Variants in PIGL observed in about 807,000 individuals in gnomAD.
PIGL encodes phosphatidylinositol glycan anchor biosynthesis class L, also known as N-acetylglucosaminyl-phosphatidylinositol de-N-acetylase.
Under a neutral mutation model 31.1 loss-of-function variants are expected in PIGL, and 22 were observed. The observed-to-expected ratio is 0.71, with a 90% CI of 0.51 to 1.01. The LOEUF (loss-of-function observed/expected upper bound fraction) is 1.01, where lower values mean the gene tolerates loss of function less well. Ranked by LOEUF, PIGL falls within the 50% of genes least tolerant of loss-of-function variation. The pLI, the probability that PIGL is intolerant of heterozygous loss-of-function variation, is 0.00. For synonymous variants in PIGL, 131 were observed against 117.4 expected (o/e 1.12, Z -0.75); for missense variants, 302 against 315.9 (o/e 0.96, Z 0.33).
At chr17:16,256,301 G>T (rs1364228299) in intron 2 of PIGL, among the ~76,000 whole-genome samples, 1 of 152,134 alleles carries the variant, frequency 6.6e-6, no homozygotes, top group Non-Finnish European at 1.5e-5. Flanking sequence ...AACCCAAGAA[G>T]ATGTTCATAA....
At chr17:16,273,982 T>C (rs1160052128) in intron 2 of PIGL, among the ~76,000 whole-genome samples, 2 of 152,236 alleles carry the variant, frequency 1.3e-5, no homozygotes, top group Admixed American at 1.3e-4. Context: ...AAGAGGCTCA[T>C]GTTCTCATTA....
Position 16,325,930 on chromosome 17 carries a change from A to T in PIGL, c.*32A>T. On this transcript the variant is annotated 3_prime_UTR_variant, in exon 7 of 7. Coordinates refer to ENST00000225609, the MANE Select transcript of PIGL (RefSeq NM_004278.4). ...GAAGGGTTTTCAGATCCAAGGAACA[A>T]AGGGGAAAATAGACAAAGGAGTGCA... 2.0e-6 allele frequency: 3 copies of T among 1,485,640 alleles called. No individual in the cohort carries two copies. Among genetic ancestry groups the T allele is most frequent in the Non-Finnish European group, 2.8e-6 (3 of 1,062,806 alleles). 92.0% of individuals were successfully genotyped at this position (1,485,640 alleles called of 1,614,324 possible).
Position 16,308,323 on chromosome 17 carries a change from C to A in PIGL, c.427-5224C>A, listed in dbSNP as rs1053335738. Among the ~76,000 whole-genome samples the A allele has an allele frequency of 5.4e-5, 8 of 149,496 alleles. No homozygotes were observed. The South Asian group carries it at 1.5e-3, about 27-fold the overall frequency. ...CTCCAGTCTGGGTGACAGGGTGAAA[C>A]TCCGTCTCAAAAAAAAAGAAAATTA... On this transcript the variant is annotated intron_variant, in intron 3 of 6. Coordinates refer to ENST00000225609, the MANE Select transcript of PIGL (RefSeq NM_004278.4).
At chr17:16,295,212 T>C (rs2142826618) in intron 2 of PIGL, among the ~76,000 whole-genome samples, 1 of 152,012 alleles carries the variant, frequency 6.6e-6, no homozygotes, top group Non-Finnish European at 1.5e-5. Flanking sequence ...TAGACCAGCC[T>C]GGCCAACATG....
At chr17:16,223,007 G>A (rs1355860765) in intron 1 of PIGL, among the ~76,000 whole-genome samples, 1 of 151,832 alleles carries the variant, frequency 6.6e-6, no homozygotes, top group African/African-American at 2.4e-5. Context: ...GCAAGACTCT[G>A]ACTCAGAAAA....
chr17:16,240,890 A>C (rs1227689847), intron 2 of PIGL, among the ~76,000 whole-genome samples: 1 of 151,198 alleles, frequency 6.6e-6, no homozygotes, highest in Non-Finnish European at 1.5e-5. Context: ...GGTGGGGGGC[A>C]GATCACCTGA....
intron 1 of PIGL, among the ~76,000 whole-genome samples, chr17:16,223,033 T>C (rs1385410226): frequency 3.3e-5 from 5 of 151,788 alleles, no homozygotes; most frequent in Non-Finnish European, 7.4e-5. Flanking sequence ...ATAAATAAAA[T>C]GAAAAGAATG....
At chr17:16,284,787 G>A (rs1475237743) in intron 2 of PIGL, among the ~76,000 whole-genome samples, 1 of 152,126 alleles carries the variant, frequency 6.6e-6, no homozygotes, top group Non-Finnish European at 1.5e-5. Flanking sequence ...AGAATGCTAC[G>A]GGAGACTGAT....
chr17:16,312,212 T>G, intron 3 of PIGL, among the ~76,000 whole-genome samples: 7 of 134,584 alleles, frequency 5.2e-5, no homozygotes, highest in African/African-American at 1.1e-4. Flanking sequence ...ATGGGGCGGC[T>G]GCCGGGCGGA....
At chr17:16,278,713 C>CA (rs57913710) in intron 2 of PIGL, among the ~76,000 whole-genome samples, 74,911 of 147,544 alleles carry the variant, frequency 0.51, 19,068 homozygotes, top group East Asian at 0.89. Flanking sequence ...TAAATCTAGG[C>CA]AAAAAAAAAA....
intron 2 of PIGL, among the ~76,000 whole-genome samples, chr17:16,244,331 G>A (rs1414796109): frequency 6.6e-6 from 1 of 152,176 alleles, no homozygotes; most frequent in Non-Finnish European, 1.5e-5. Context: ...TTCATCCTAT[G>A]CCCAGGAATG....
chr17:16,326,115 A>C lies in PIGL; in HGVS notation c.*217A>C. 1.8e-6 allele frequency: 1 copy of C among 555,726 alleles called. No individual in the cohort carries two copies. The highest frequency in any genetic ancestry group is 1.9e-5 in the African/African-American group (1 of 53,022). The allele number at this position is 555,726 out of a possible 1,614,324, so 34.4% of individuals were successfully genotyped here. On this transcript the variant is annotated 3_prime_UTR_variant, in exon 7 of 7. Transcript: ENST00000225609. ...GAACCAAAAACAAACCACCCCAAGG[A>C]TAATAATAGCTACACTGCTAGCTTC...
intron 3 of PIGL, among the ~76,000 whole-genome samples, chr17:16,312,206 G>T (rs2093054867): frequency 6.6e-6 from 1 of 151,636 alleles, no homozygotes; most frequent in Non-Finnish European, 1.5e-5. Context: ...TCCCAGATGG[G>T]GCGGCTGCCG....
At chr17:16,226,161 AAAC>A (rs758453850) in intron 1 of PIGL, among the ~76,000 whole-genome samples, 44 of 152,184 alleles carry the variant, frequency 2.9e-4, no homozygotes, top group Non-Finnish European at 2.1e-4. Context: ...TCTCAAAAAC[AAAC>A]AACAACAAGA....
intron 6 of PIGL, among the ~76,000 whole-genome samples, chr17:16,323,013 A>G (rs1010431315): frequency 2.0e-5 from 3 of 152,220 alleles, no homozygotes; most frequent in Non-Finnish European, 4.4e-5. Context: ...GTGCTAATGA[A>G]TCAACAACAT....
chr17:16,259,884 C>T (rs902358012), intron 2 of PIGL, among the ~76,000 whole-genome samples: 3 of 152,230 alleles, frequency 2.0e-5, no homozygotes, highest in Non-Finnish European at 4.4e-5. Flanking sequence ...CATCCCTGCA[C>T]TCTTGACTCA....
At chr17:16,261,965 G>A (rs1161307266) in intron 2 of PIGL, among the ~76,000 whole-genome samples, 1 of 151,466 alleles carries the variant, frequency 6.6e-6, no homozygotes, top group African/African-American at 2.4e-5. Context: ...GCTCATGCCT[G>A]TAATCCCAGC....
At position 16,259,687 on chromosome 17, in the gene PIGL, G is replaced by A. The variant is rs8067404; in HGVS notation, c.335+25617G>A. 1.0e-2 allele frequency among the ~76,000 whole-genome samples: 1,521 copies of A among 152,140 alleles called. 27 individuals carry two copies. The highest frequency in any genetic ancestry group is 0.035 in the African/African-American group (1,432 of 41,506). ...TGCTGATGATTTTGATGGCAGCAGC[G>A]GCCTGTTTGGAGTGGTGGCTACTGC... On this transcript the variant is annotated intron_variant, in intron 2 of 6. Transcript: ENST00000225609.
chr17:16,300,427 TCC>T (rs2092999686), intron 3 of PIGL, among the ~76,000 whole-genome samples: 1 of 152,208 alleles, frequency 6.6e-6, no homozygotes, highest in Admixed American at 6.5e-5. Flanking sequence ...ATGCCTGTAA[TCC>T]CAGCACATCG....
Sources: gnomAD v4.1 joint callset for allele counts (sites outside exome capture counted in the v4.1 genomes callset) on GRCh38, gnomAD v4.1.1 for gene constraint, MANE v1.5 for transcripts, NCBI Gene and HGNC (gene_info 2026-07-23, HGNC 2026-07-21) for gene names.